The following SERINC1 variants were observed in gnomAD, a reference collection of about 807,000 sequenced individuals.
SERINC1 encodes tumor differentially expressed protein 2.
Under a neutral mutation model 52.9 loss-of-function variants are expected in SERINC1, and 38 were observed. The ratio of observed to expected loss-of-function variants is 0.72; its 90% CI spans 0.55 to 0.94. The LOEUF (loss-of-function observed/expected upper bound fraction) is 0.94. Ranked by LOEUF, SERINC1 falls within the 40% of genes least tolerant of loss-of-function variation. The pLI, the probability that SERINC1 is intolerant of heterozygous loss-of-function variation, is 0.00. For missense variants in SERINC1, 471 were observed against 533.9 expected, an observed-to-expected ratio of 0.88 and a Z score of 1.16; for synonymous variants, 198 against 183.1, an observed-to-expected ratio of 1.08 and a Z score of -0.66.
rs1774731427 is a variant in SERINC1 at position 122,444,596 on chromosome 6, T to A, written c.*448A>T. ...TATAAGATTTTTCAGACAACTGGCA[T>A]TTAAGTGACTTGTTTATAAATTTTA... On this transcript the variant is annotated 3_prime_UTR_variant, in exon 10 of 10. Coordinates refer to ENST00000339697, the MANE Select transcript of SERINC1 (RefSeq NM_020755.4). 6.5e-6 allele frequency: 1 copy of A among 154,932 alleles called. No individual in the cohort carries two copies. The highest frequency in any genetic ancestry group is 1.4e-5 in the Non-Finnish European group (1 of 69,922). The allele number at this position is 154,932 out of a possible 1,614,324, so 9.6% of individuals were successfully genotyped here.
Position 122,458,605 on chromosome 6 carries a change from C to G in SERINC1, c.116G>C (p.Arg39Thr). 1 of 1,613,098 alleles carries G rather than the reference C, an allele frequency of 6.2e-7. No homozygotes were observed. Among genetic ancestry groups the G allele is most frequent in the Non-Finnish European group, 8.5e-7 (1 of 1,179,194 alleles). ...AAGCAAGAAAAGTGCATAGATCAAT[C>G]TAGTTACAGTGGAGTTGTTTCCACT... ...CPSGNNSTVT[R>T]LIYALFLLVG... Residue 39 changes from arginine (R) to threonine (T), a missense_variant, in exon 2 of 10, where the codon AGA becomes ACA. Transcript: ENST00000339697.
chr6:122,466,866 G>T (rs761612130), intron 1 of SERINC1, among the ~76,000 whole-genome samples: 1 of 152,096 alleles, frequency 6.6e-6, no homozygotes, highest in Non-Finnish European at 1.5e-5. Flanking sequence ...AAGAATTCAA[G>T]AAATGTAATT....
intron 5 of SERINC1, among the ~76,000 whole-genome samples, chr6:122,452,969 T>C (rs1487629777): frequency 6.6e-6 from 1 of 152,178 alleles, no homozygotes; most frequent in Admixed American, 6.6e-5. Context: ...TGAAACTCAG[T>C]CATTTAGCAT....
intron 7 of SERINC1, among the ~76,000 whole-genome samples, chr6:122,449,306 C>T (rs928943286): frequency 4.6e-5 from 7 of 152,322 alleles, no homozygotes; most frequent in African/African-American, 1.7e-4. Context: ...AAAGCTAGGC[C>T]TTCTGTTCCA....
intron 1 of SERINC1, among the ~76,000 whole-genome samples, chr6:122,468,633 T>C (rs1376637347): frequency 6.6e-6 from 1 of 152,226 alleles, no homozygotes; most frequent in Non-Finnish European, 1.5e-5. Context: ...TTTTTGTCTA[T>C]TCATCCACCC....
Position 122,454,085 on chromosome 6 carries a change from G to A in SERINC1, c.451+66C>T, listed in dbSNP as rs931993461. On this transcript the variant is annotated intron_variant, in intron 4 of 9. Transcript: ENST00000339697. The stretch of plus-strand genomic sequence containing the variant: ...AAAAAGACAAACAATTATAGTTCCA[G>A]GTGACAATTATTTCAGATTCCTTTA... The A allele has an allele frequency of 3.3e-6, 4 of 1,211,144 alleles. No homozygotes were observed. The Admixed American group carries it at 9.1e-5, about 27-fold the overall frequency. 75.0% of individuals were successfully genotyped at this position (1,211,144 alleles called of 1,614,324 possible). A position where few individuals can be genotyped will look rare whatever the true frequency, so the allele number is the denominator to read the frequency against.
At chr6:122,466,663 A>T (rs1219844925) in intron 1 of SERINC1, among the ~76,000 whole-genome samples, 1 of 152,158 alleles carries the variant, frequency 6.6e-6, no homozygotes, top group Non-Finnish European at 1.5e-5. Flanking sequence ...ACAGAAGTCC[A>T]ATCAGTCAAT....
At chr6:122,471,629 G>T in intron 1 of SERINC1, 70 bp downstream of exon 1, 1 of 1,599,540 alleles carries the variant, frequency 6.3e-7, no homozygotes, top group Non-Finnish European at 8.6e-7. Flanking sequence ...GGCTCACCCA[G>T]CCCCGGCTCG....
At chr6:122,471,096 A>C (rs1251901510) in intron 1 of SERINC1, among the ~76,000 whole-genome samples, 1 of 151,556 alleles carries the variant, frequency 6.6e-6, no homozygotes, top group East Asian at 2.0e-4. Context: ...TTTTAAGTTG[A>C]AATCTGAAAT....
At position 122,451,774 on chromosome 6, in the gene SERINC1, A is replaced by ATATATATATAT. The variant is rs1415169953; in HGVS notation, c.760-21_760-20insATATATATATA. On this transcript the variant is annotated intron_variant, in intron 6 of 9. Transcript: ENST00000339697. Reference sequence around the variant, plus strand: ...TGATTCCTACAAAAAAAAAAAAAAAAAAATATATATATATATATATAGCAA... The same window carrying ATATATATATAT: ...TGATTCCTACAAAAAAAAAAAAAAAATATATATATATAAATATATATATATATATATAGCAA... 7.6e-5 allele frequency: 16 copies of ATATATATATAT among 211,188 alleles called. No individual in the cohort carries two copies. The East Asian group carries it at 2.0e-3, about 27-fold the overall frequency. 13.1% of individuals were successfully genotyped at this position (211,188 alleles called of 1,614,324 possible). A position where few individuals can be genotyped will look rare whatever the true frequency, so the allele number is the denominator to read the frequency against.
chr6:122,445,426 C>G (rs1174219800), intron 9 of SERINC1, among the ~76,000 whole-genome samples: 1 of 151,738 alleles, frequency 6.6e-6, no homozygotes, highest in Non-Finnish European at 1.5e-5. Flanking sequence ...ATCTCTGAAG[C>G]ACTTTATGCA....
intron 3 of SERINC1, among the ~76,000 whole-genome samples, chr6:122,455,897 C>A (rs1323014864): frequency 6.6e-6 from 1 of 151,870 alleles, no homozygotes; most frequent in African/African-American, 2.4e-5. Flanking sequence ...AATCAATGAC[C>A]AAAGGAACAA....
chr6:122,460,583 G>A (rs1775084581), intron 1 of SERINC1, among the ~76,000 whole-genome samples: 1 of 152,170 alleles, frequency 6.6e-6, no homozygotes, highest in Non-Finnish European at 1.5e-5. Context: ...AGATCACACT[G>A]TCTCTAAGTA....
At chr6:122,449,967 T>C (rs796538574) in intron 7 of SERINC1, among the ~76,000 whole-genome samples, 3 of 152,286 alleles carry the variant, frequency 2.0e-5, no homozygotes, top group African/African-American at 7.2e-5. Flanking sequence ...TGAACGGGGA[T>C]TGTGCCATTG....
chr6:122,468,114 A>G (rs1775217500), intron 1 of SERINC1, among the ~76,000 whole-genome samples: 1 of 152,212 alleles, frequency 6.6e-6, no homozygotes, highest in Non-Finnish European at 1.5e-5. Flanking sequence ...ACAATTAATT[A>G]AACCTGGGAA....
chr6:122,452,047 T>C lies in SERINC1; in HGVS notation c.600A>G (p.Ser200=), dbSNP rs367855516. The change falls in exon 6 of 10, where the codon TCA becomes TCG. Residue 200 remains serine, a synonymous_variant. Coordinates refer to ENST00000339697, the MANE Select transcript of SERINC1 (RefSeq NM_020755.4). Reference sequence around the variant, plus strand: ...ACAGCAGATAATTCAGAGCTGTAGCTGATAACAAGGCTGTGAAAGAAATAT... The same window carrying C: ...ACAGCAGATAATTCAGAGCTGTAGCCGATAACAAGGCTGTGAAAGAAATAT... The part of the protein sequence containing the change: ...NSRCWYAALL[S]ATALNYLLSL... The C allele has an allele frequency of 6.5e-7, 1 of 1,530,954 alleles. No individual in the cohort carries two copies. Among genetic ancestry groups the C allele is most frequent in the Admixed American group, 2.2e-5 (1 of 45,996 alleles). The allele number at this position is 1,530,954 out of a possible 1,614,324, so 94.8% of individuals were successfully genotyped here.
At chr6:122,445,883 C>CAACAAAAAAAAAAAAA (rs775303717) in intron 9 of SERINC1, among the ~76,000 whole-genome samples, 45 of 62,820 alleles carry the variant, frequency 7.2e-4, no homozygotes, top group Admixed American at 1.3e-3. Context: ...GACTCCATTT[C>CAACAAAAAAAAAAAAA]AAAAAAAAAA....
chr6:122,454,313 A>G, intron 3 of SERINC1, 83 bp from the exon 4 acceptor site: 1 of 694,000 alleles, frequency 1.4e-6, no homozygotes, highest in Non-Finnish European at 2.5e-6. Flanking sequence ...CTGCATCTTA[A>G]CAAATAGCTA....
rs534401584 is a variant in SERINC1, at chr6:122,446,966, G to A, written c.1034C>T (p.Thr345Ile). 1 of 1,613,272 alleles carries A rather than the reference G, an allele frequency of 6.2e-7. No homozygotes were observed. The highest frequency in any genetic ancestry group is 1.1e-5 in the South Asian group (1 of 91,064). The change falls in exon 9 of 10, where the codon ACT (threonine) becomes ATT (isoleucine). Residue 345 changes from threonine (T) to isoleucine (I), a missense_variant. Physicochemically the swap from Thr to Ile is moderately conservative, Grantham distance 89 (BLOSUM62 -1). Coordinates refer to ENST00000339697, the MANE Select transcript of SERINC1 (RefSeq NM_020755.4). ...TSNNSQVNKL[T>I]LTSDESTLIE... The stretch of plus-strand genomic sequence containing the variant: ...TAATGTAGATTCATCACTTGTTAGA[G>A]TCAGTTTATTAACCTGACTATTGTT...
Sources: gnomAD v4.1 joint callset for allele counts (sites outside exome capture counted in the v4.1 genomes callset) on GRCh38, gnomAD v4.1.1 for gene constraint, MANE v1.5 for transcripts, NCBI Gene and HGNC (gene_info 2026-07-23, HGNC 2026-07-21) for gene names.